Variants in PLXNA1 observed in about 807,000 individuals in gnomAD.
PLXNA1 encodes the protein plexin A1.
PLXNA1 carries 77 observed loss-of-function variants against 191.7 expected under a neutral mutation model. The observed-to-expected ratio is 0.40, with a 90% CI of 0.33 to 0.49. PLXNA1 has a LOEUF of 0.49. Among genes scored for constraint, PLXNA1 ranks in the 20% least tolerant of loss-of-function variants. The probability of loss-of-function intolerance (pLI) is 0.63; values close to 1 mark genes in which losing one functional copy is unlikely to be tolerated. For missense variants in PLXNA1, 2,110 were observed against 2,660.2 expected (o/e 0.79, Z 4.55); for synonymous variants, 1,137 against 1,156.4 (o/e 0.98, Z 0.34).
At chr3:126,987,981 T>C (rs1227596262) in intron 1 of PLXNA1, among the ~76,000 whole-genome samples, 1 of 151,956 alleles carries the variant, frequency 6.6e-6, no homozygotes, top group Non-Finnish European at 1.5e-5. Flanking sequence ...CAGGGCGTGT[T>C]CGGGGGAGAG....
chr3:126,994,659 T>C (rs1427747590), intron 3 of PLXNA1, among the ~76,000 whole-genome samples: 1 of 152,190 alleles, frequency 6.6e-6, no homozygotes, highest in Non-Finnish European at 1.5e-5. Flanking sequence ...AGGCCTCTAC[T>C]TGGCCTGGCC....
intron 3 of PLXNA1, 79 bp from the exon 4 acceptor site, chr3:127,003,251 C>G: frequency 6.8e-7 from 1 of 1,467,880 alleles, no homozygotes; most frequent in Non-Finnish European, 9.1e-7. Context: ...GGGCTTTAGA[C>G]CCCTGACCTT....
intron 23 of PLXNA1, chr3:127,026,382 C>T (rs2107636808): frequency 6.6e-6 from 1 of 152,276 alleles, no homozygotes; most frequent in Middle Eastern, 3.4e-3. Flanking sequence ...CTTGGCTTCT[C>T]CAGTTTCTTG....
rs1036487971 is a variant in PLXNA1, at chr3:127,028,299, T to C, written c.4628T>C (p.Val1543Ala). ...EKLLDAAYKGVPYSQRPKAAD... is the reference protein window; with the variant it reads ...EKLLDAAYKGAPYSQRPKAAD... The stretch of plus-strand genomic sequence containing the variant: ...CTGCTGGACGCTGCCTACAAGGGCG[T>C]GCCCTACTCCCAGCGGCCCAAGGCC... Residue 1543 changes from valine (V) to alanine (A), a missense_variant, in exon 25 of 32, where the codon GTG (valine) becomes GCG (alanine). By Grantham distance (64) the Val-to-Ala change is moderately conservative (BLOSUM62 0). Transcript: ENST00000393409. 4 of 1,612,472 alleles carry C rather than the reference T, an allele frequency of 2.5e-6. No homozygotes were observed. In the African/African-American group the frequency reaches 5.3e-5, roughly 22 times the overall value.
At chr3:127,030,118 G>C (rs1576692606) in intron 28 of PLXNA1, 54 bp downstream of exon 28, 3 of 1,598,420 alleles carry the variant, frequency 1.9e-6, no homozygotes, top group East Asian at 4.5e-5. Flanking sequence ...TGAGCTCAGA[G>C]AAAGTGCCAA....
chr3:126,998,650 ACTC>A (rs1434242908), intron 3 of PLXNA1, among the ~76,000 whole-genome samples: 2 of 152,220 alleles, frequency 1.3e-5, no homozygotes, highest in Non-Finnish European at 2.9e-5. Flanking sequence ...GGAACCATGA[ACTC>A]CTGAATTCTC....
At chr3:127,007,947 AGAG>A (rs772249878) in intron 9 of PLXNA1, 34 bp downstream of exon 9, 8 of 1,472,738 alleles carry the variant, frequency 5.4e-6, no homozygotes, top group Non-Finnish European at 6.6e-6. Flanking sequence ...TCAGGTTTTC[AGAG>A]GTGGAGCAGA....
Position 127,030,318 on chromosome 3 carries a change from C to T in PLXNA1, c.5137C>T (p.Leu1713=). The T allele has an allele frequency of 6.2e-7, 1 of 1,614,036 alleles. No individual in the cohort carries two copies. The highest frequency in any genetic ancestry group is 8.5e-7 in the Non-Finnish European group (1 of 1,180,020). The change falls in exon 29 of 32, where the codon CTG becomes TTG. Residue 1713 remains leucine, a synonymous_variant. Coordinates refer to ENST00000393409, the MANE Select transcript of PLXNA1 (RefSeq NM_032242.4). The part of the protein sequence containing the change: ...STAHRGSALP[L]AIKYMFDFLD... Reference sequence around the variant, plus strand: ...GGCACACCGGGGCTCAGCCCTGCCGCTGGCCATCAAGTACATGTTCGACTT... The same window carrying T: ...GGCACACCGGGGCTCAGCCCTGCCGTTGGCCATCAAGTACATGTTCGACTT...
At chr3:127,007,201 G>A (rs11711778) in intron 8 of PLXNA1, among the ~76,000 whole-genome samples, 87 of 152,256 alleles carry the variant, frequency 5.7e-4, no homozygotes, top group Middle Eastern at 6.8e-3. Flanking sequence ...TGTCTTCCTG[G>A]AGGCTGTTGA....
chr3:127,017,401 A>G, intron 17 of PLXNA1, 24 bp from the exon 18 acceptor site: 2 of 1,605,600 alleles, frequency 1.2e-6, no homozygotes, highest in Non-Finnish European at 1.7e-6. Flanking sequence ...GGTCCCGCCC[A>G]GCATCCCCAC....
In PLXNA1 at chr3:126,989,700, T is replaced by C; in HGVS notation, c.1107T>C (p.Ile369=). ...CGCTCAGGGCCATCAAGGAGAAGAT[T>C]AAGGAGCGCATCCAGTCCTGCTACC... The part of the protein sequence containing the change: ...LFTLRAIKEK[I]KERIQSCYRG... The change falls in exon 2 of 32, where the codon ATT becomes ATC. Residue 369 remains isoleucine, a synonymous_variant. Coordinates refer to ENST00000393409, the MANE Select transcript of PLXNA1 (RefSeq NM_032242.4). 6.2e-7 allele frequency: 1 copy of C among 1,613,024 alleles called. No individual in the cohort carries two copies. Among genetic ancestry groups the C allele is most frequent in the Middle Eastern group, 1.6e-4 (1 of 6,062 alleles).
In PLXNA1 at chr3:127,022,796, T is replaced by C; in HGVS notation, c.4340T>C (p.Phe1447Ser). Residue 1447 changes from phenylalanine (F) to serine (S), a missense_variant, in exon 23 of 32, where the codon TTC becomes TCC. Transcript: ENST00000393409. ...AAGATGCTAACTAACTGGTTCACCT[T>C]CCTCTTGTATAAGTTCCTCAAGGTA... ...AEKMLTNWFT[F>S]LLYKFLKECA... 6.2e-7 allele frequency: 1 copy of C among 1,614,032 alleles called. No individual in the cohort carries two copies. The highest frequency in any genetic ancestry group is 8.5e-7 in the Non-Finnish European group (1 of 1,179,954).
At position 126,983,207 on chromosome 3, in the gene PLXNA1, C is replaced by A. The variant is rs2078939057; in HGVS notation, c.-154C>A. 7.0e-6 allele frequency among the ~76,000 whole-genome samples: 1 copy of A among 143,498 alleles called. No individual in the cohort carries two copies. Among genetic ancestry groups the A allele is most frequent in the African/African-American group, 2.5e-5 (1 of 39,962 alleles). 94.1% of individuals were successfully genotyped at this position (143,498 alleles called of 152,430 possible). A position where few individuals can be genotyped will look rare whatever the true frequency, so the allele number is the denominator to read the frequency against. Reference sequence around the variant, plus strand: ...GCGGCCTACGCGGCTTCGGCGGCCCCGCGGCGGGGCGGACGGCGGCGGCGG... The same window carrying A: ...GCGGCCTACGCGGCTTCGGCGGCCCAGCGGCGGGGCGGACGGCGGCGGCGG... On this transcript the variant is annotated 5_prime_UTR_variant, in exon 1 of 32. Transcript: ENST00000393409.
At position 127,016,597 on chromosome 3, in the gene PLXNA1, G is replaced by T; in HGVS notation, c.3095G>T (p.Arg1032Leu). The change falls in exon 16 of 32, where the codon CGC becomes CTC. Residue 1032 changes from arginine (R) to leucine (L), a missense_variant. Around this residue, in one of 4 missense-constraint regions of PLXNA1, gnomAD observed 644 missense variants for 714.3 expected, o/e 0.90. Transcript: ENST00000393409. Reference protein sequence around the residue: ...GSAPIIININRAQLTNPEVKY... With the variant: ...GSAPIIININLAQLTNPEVKY... Reference sequence around the variant, plus strand: ...GCTCCCATCATCATCAACATCAACCGCGCCCAGCTCACCAACCCTGAGGTG... The same window carrying T: ...GCTCCCATCATCATCAACATCAACCTCGCCCAGCTCACCAACCCTGAGGTG... 1 of 1,613,948 alleles carries T rather than the reference G, an allele frequency of 6.2e-7. No homozygotes were observed. Among genetic ancestry groups the T allele is most frequent in the East Asian group, 2.2e-5 (1 of 44,868 alleles).
At chr3:127,032,981 C>T in intron 31 of PLXNA1, 145 bp downstream of exon 31, 1 of 878,424 alleles carries the variant, frequency 1.1e-6, no homozygotes, top group Non-Finnish European at 1.7e-6. Flanking sequence ...CTCTGGCCAC[C>T]TGGTTCCTTG....
chr3:127,006,179 G>A lies in PLXNA1; in HGVS notation c.1997+1G>A. 6.2e-7 allele frequency: 1 copy of A among 1,612,188 alleles called. No homozygotes were observed. The highest frequency in any genetic ancestry group is 1.3e-5 in the African/African-American group (1 of 74,988). On this transcript the variant is annotated splice_donor_variant, in intron 8 of 31. Transcript: ENST00000393409. LOFTEE classifies it high-confidence loss of function. Reference sequence around the variant, plus strand: ...TCTACAACTGCAGCGTCCACCAGTCGTGAGTGTCTCTAGGCCCCTCCGCCC... The same window carrying A: ...TCTACAACTGCAGCGTCCACCAGTCATGAGTGTCTCTAGGCCCCTCCGCCC...
chr3:127,005,400 G>A (rs929447994), intron 7 of PLXNA1, among the ~76,000 whole-genome samples, 157 bp downstream of exon 7: 4 of 152,200 alleles, frequency 2.6e-5, no homozygotes, highest in African/African-American at 9.7e-5. Flanking sequence ...CTGCTGGTCT[G>A]GGAGTGGAGA....
Position 127,035,955 on chromosome 3 carries a change from G to A in PLXNA1, c.*1938G>A, listed in dbSNP as rs2079240806. 6.5e-6 allele frequency: 1 copy of A among 152,680 alleles called. No homozygotes were observed. The highest frequency in any genetic ancestry group is 2.4e-5 in the African/African-American group (1 of 41,462). The allele number at this position is 152,680 out of a possible 1,614,324, so 9.5% of individuals were successfully genotyped here. On this transcript the variant is annotated 3_prime_UTR_variant, in exon 32 of 32. Transcript: ENST00000393409. ...TTCTGCTGCTGCCACACCCAGCTCA[G>A]GCCTGGGCCAGCCCCTGCCCCCAGC...
chr3:127,012,639 G>A (rs1319909166), intron 10 of PLXNA1, among the ~76,000 whole-genome samples: 1 of 152,256 alleles, frequency 6.6e-6, no homozygotes, highest in African/African-American at 2.4e-5. Flanking sequence ...ACTCCCATTG[G>A]CCCGCACTTG....
Sources: allele counts gnomAD v4.1 joint callset (sites outside exome capture counted in the v4.1 genomes callset), GRCh38; gene constraint gnomAD v4.1.1; regional missense constraint gnomAD v4.1.1; transcripts MANE v1.5; gene names NCBI Gene and HGNC (gene_info 2026-07-23, HGNC 2026-07-21).